The following KCNB2 variants were observed in gnomAD, a reference collection of about 807,000 sequenced individuals.
The protein encoded by KCNB2 is delayed rectifier potassium channel protein.
Under a neutral mutation model 61.5 loss-of-function variants are expected in KCNB2, and 15 were observed. The ratio of observed to expected loss-of-function variants is 0.24; its 90% CI spans 0.16 to 0.38. The LOEUF is 0.38. KCNB2 is among the 10% of genes least tolerant of loss of function. The pLI is 1.00. For missense variants in KCNB2, 828 were observed against 1,125.2 expected (o/e 0.74, Z 3.78); for synonymous variants, 457 against 446.0 (o/e 1.02, Z -0.31).
chr8:72,714,535 C>A (rs1275640871), intron 2 of KCNB2, among the ~76,000 whole-genome samples: 3 of 151,976 alleles, frequency 2.0e-5, no homozygotes, highest in Non-Finnish European at 4.4e-5. Flanking sequence ...AATTTTCAAC[C>A]CAGAATTTCA....
At chr8:72,739,319 G>T (rs934629616) in intron 2 of KCNB2, among the ~76,000 whole-genome samples, 2 of 151,590 alleles carry the variant, frequency 1.3e-5, no homozygotes, top group Non-Finnish European at 2.9e-5. Flanking sequence ...AGGCACTGGG[G>T]ACAAAAATAT....
Position 72,634,961 on chromosome 8 carries a change from A to C in KCNB2, c.579+66648A>C, listed in dbSNP as rs115782350. Among the ~76,000 whole-genome samples, 209 of 152,296 alleles carry C rather than the reference A, an allele frequency of 1.4e-3. 1 individual carries two copies. The highest frequency in any genetic ancestry group is 4.8e-3 in the African/African-American group (201 of 41,560). ...AGAATTCTTTGGAAAGCCTGGAGAC[A>C]TGCTAGCTTTTATCATATTGGGAGC... On this transcript the variant is annotated intron_variant, in intron 2 of 2. Coordinates refer to ENST00000523207, the MANE Select transcript of KCNB2 (RefSeq NM_004770.3).
In KCNB2 at chr8:72,544,290, G is replaced by A. The variant is rs574204100; in HGVS notation, c.-94+6405G>A. ...GTGATGGGAGACGAGGCTGAAGAAG[G>A]TTGAGGATTAGATGTGAAAGGTGTT... On this transcript the variant is annotated intron_variant, in intron 1 of 2. Coordinates refer to ENST00000523207, the MANE Select transcript of KCNB2 (RefSeq NM_004770.3). 1.4e-3 allele frequency among the ~76,000 whole-genome samples: 211 copies of A among 152,332 alleles called. 1 individual carries two copies. The highest frequency in any genetic ancestry group is 6.8e-3 in the Middle Eastern group (2 of 294).
intron 2 of KCNB2, among the ~76,000 whole-genome samples, chr8:72,731,116 T>A (rs1388849030): frequency 6.6e-6 from 1 of 152,154 alleles, no homozygotes. Flanking sequence ...AAAGAACTGG[T>A]CTATAAAGGT....
At position 72,745,337 on chromosome 8, in the gene KCNB2, T is replaced by A. The variant is rs1808040732; in HGVS notation, c.579+177024T>A. ...TACCCAGGGGTTAAGGGCACAGTCC[T>A]CCATAAGACTGTCCTCATTTCAGAC... On this transcript the variant is annotated intron_variant, in intron 2 of 2. Transcript: ENST00000523207. Among the ~76,000 whole-genome samples, 3 of 152,156 alleles carry A rather than the reference T, an allele frequency of 2.0e-5. No individual in the cohort carries two copies. In the South Asian group the frequency reaches 6.2e-4, roughly 32 times the overall value.
chr8:72,809,939 T>C (rs1301197665), intron 2 of KCNB2, among the ~76,000 whole-genome samples: 1 of 152,212 alleles, frequency 6.6e-6, no homozygotes, highest in Non-Finnish European at 1.5e-5. Flanking sequence ...TCACTCTAAC[T>C]ATAATTACCT....
chr8:72,630,834 C>G (rs550007349), intron 2 of KCNB2, among the ~76,000 whole-genome samples: 17 of 152,252 alleles, frequency 1.1e-4, no homozygotes, highest in Middle Eastern at 3.4e-3. Context: ...GAAGATACAT[C>G]AGGACACCCC....
At chr8:72,637,068 C>T (rs868841392) in intron 2 of KCNB2, among the ~76,000 whole-genome samples, 1 of 152,106 alleles carries the variant, frequency 6.6e-6, no homozygotes, top group African/African-American at 2.4e-5. Context: ...GTTTGTATTA[C>T]AATACTATGC....
chr8:72,805,230 AAAAAT>A (rs1330791865), intron 2 of KCNB2, among the ~76,000 whole-genome samples: 1 of 152,210 alleles, frequency 6.6e-6, no homozygotes, highest in Non-Finnish European at 1.5e-5. Context: ...AATGAAGAGG[AAAAAT>A]AAAATAAACT....
chr8:72,635,875 G>A (rs747252108), intron 2 of KCNB2, among the ~76,000 whole-genome samples: 28 of 152,062 alleles, frequency 1.8e-4, no homozygotes, highest in Non-Finnish European at 1.2e-4. Flanking sequence ...AGAGAGAATC[G>A]GTCTGATTTC....
intron 2 of KCNB2, among the ~76,000 whole-genome samples, chr8:72,783,337 G>A (rs1292011028): frequency 6.6e-6 from 1 of 152,020 alleles, no homozygotes; most frequent in South Asian, 2.1e-4. Context: ...AGGCTACAAG[G>A]TCTTGCAAGA....
intron 2 of KCNB2, among the ~76,000 whole-genome samples, chr8:72,583,959 AAAAAAAC>A (rs1563530233): frequency 1.3e-5 from 2 of 150,802 alleles, no homozygotes; most frequent in Non-Finnish European, 3.0e-5. Flanking sequence ...AAAAAAAAAA[AAAAAAAC>A]AAACAAAACC....
At chr8:72,917,393 A>T (rs2129007934) in intron 2 of KCNB2, among the ~76,000 whole-genome samples, 1 of 88,646 alleles carries the variant, frequency 1.1e-5, no homozygotes, top group South Asian at 3.6e-4. Context: ...CAGATGTTTT[A>T]AAAAGGCAAA....
intron 2 of KCNB2, among the ~76,000 whole-genome samples, chr8:72,830,468 A>G (rs964622338): frequency 2.6e-5 from 4 of 152,174 alleles, no homozygotes; most frequent in Non-Finnish European, 5.9e-5. Context: ...ACTAAATAGA[A>G]CAAGTCAACC....
chr8:72,687,091 G>A (rs1806865352), intron 2 of KCNB2, among the ~76,000 whole-genome samples: 3 of 152,182 alleles, frequency 2.0e-5, no homozygotes, highest in Admixed American at 2.0e-4. Flanking sequence ...CTCACTGACA[G>A]GAAGTTGATA....
chr8:72,665,039 G>A (rs560796471), intron 2 of KCNB2, among the ~76,000 whole-genome samples: 1 of 152,158 alleles, frequency 6.6e-6, no homozygotes, highest in African/African-American at 2.4e-5. Flanking sequence ...AAGTGGGGAA[G>A]AACATCTAGG....
intron 2 of KCNB2, among the ~76,000 whole-genome samples, chr8:72,639,875 T>C (rs992511708): frequency 4.0e-5 from 6 of 151,874 alleles, no homozygotes; most frequent in Middle Eastern, 3.4e-3. Context: ...TAGCAGACGA[T>C]AAAACTAAAA....
intron 2 of KCNB2, among the ~76,000 whole-genome samples, chr8:72,657,096 C>T (rs917498713): frequency 2.0e-5 from 3 of 152,082 alleles, no homozygotes; most frequent in African/African-American, 4.8e-5. Flanking sequence ...TTGACCTCCT[C>T]GGATATTTCT....
chr8:72,563,098 C>A (rs1585753508), intron 1 of KCNB2, among the ~76,000 whole-genome samples: 1 of 152,214 alleles, frequency 6.6e-6, no homozygotes, highest in Admixed American at 6.5e-5. Context: ...AGTAAAGGTT[C>A]TTGAAATGAA....
Sources: allele counts gnomAD v4.1 joint callset (sites outside exome capture counted in the v4.1 genomes callset), GRCh38; gene constraint gnomAD v4.1.1; transcripts MANE v1.5; gene names NCBI Gene and HGNC (gene_info 2026-07-23, HGNC 2026-07-21).